Variants in NOLC1 observed in about 807,000 individuals in gnomAD.
NOLC1 encodes the protein nucleolar and coiled-body phosphoprotein 1.
NOLC1 carries 37 observed loss-of-function variants against 73.4 expected under a neutral mutation model. The observed-to-expected ratio is 0.50, with a 90% CI of 0.39 to 0.66. The LOEUF is 0.66. Among genes scored for constraint, NOLC1 ranks in the 30% least tolerant of loss-of-function variants. NOLC1 has a pLI of 0.00. For synonymous variants in NOLC1, 327 were observed against 302.6 expected (o/e 1.08, Z -0.84); for missense variants, 921 against 838.9 (o/e 1.10, Z -1.21).
chr10:102,152,424 G>T lies in NOLC1; in HGVS notation c.14G>T (p.Gly5Val). Reference sequence around the variant, plus strand: ...ATTGCCTGGAGGATGGCGGACGCCGGCATTCGCCGCGTGGTTCCCAGCGAC... The same window carrying T: ...ATTGCCTGGAGGATGGCGGACGCCGTCATTCGCCGCGTGGTTCCCAGCGAC... MADA[G>V]IRRVVPSDLY... The change falls in exon 1 of 13, where the codon GGC becomes GTC. Residue 5 changes from glycine to valine, a missense_variant. Transcript: ENST00000605788. 2 of 1,611,122 alleles carry T rather than the reference G, an allele frequency of 1.2e-6. No individual in the cohort carries two copies. The highest frequency in any genetic ancestry group is 2.2e-5 in the East Asian group (1 of 44,874).
chr10:102,159,862 AT>A, intron 7 of NOLC1, 33 bp from the exon 8 acceptor site: 2 of 1,493,222 alleles, frequency 1.3e-6, no homozygotes, highest in Non-Finnish European at 1.8e-6. Context: ...TTGTAGACAT[AT>A]CCTAAAACCA....
rs753664579 is a variant in NOLC1, at chr10:102,163,022, A to G, written c.*753A>G. The G allele has an allele frequency of 1.9e-4, 29 of 152,216 alleles. No homozygotes were observed. Among genetic ancestry groups the G allele is most frequent in the Non-Finnish European group, 4.0e-4 (27 of 68,036 alleles). The allele number at this position is 152,216 out of a possible 1,614,324, so 9.4% of individuals were successfully genotyped here. A position where few individuals can be genotyped will look rare whatever the true frequency, so the allele number is the denominator to read the frequency against. ...TACGTGCTTTGTTTTTTAATTTGAA[A>G]GCAAACTTTTCTACTGTTGAAAGAC... On this transcript the variant is annotated 3_prime_UTR_variant, in exon 13 of 13. Coordinates refer to ENST00000605788, the MANE Select transcript of NOLC1 (RefSeq NM_004741.5).
At chr10:102,153,775 T>G (rs961990634) in intron 1 of NOLC1, among the ~76,000 whole-genome samples, 1 of 148,654 alleles carries the variant, frequency 6.7e-6, no homozygotes, top group Non-Finnish European at 1.5e-5. Flanking sequence ...CAAGTTCAAG[T>G]GATTATCCTG....
chr10:102,152,397 G>A lies in NOLC1; in HGVS notation c.-14G>A, dbSNP rs372877879. 3.7e-5 allele frequency: 59 copies of A among 1,607,702 alleles called. No homozygotes were observed. Among genetic ancestry groups the A allele is most frequent in the Non-Finnish European group, 4.7e-5 (55 of 1,180,012 alleles). ...GCTGCGTCGACAACGGTAGTGACGC[G>A]TATTGCCTGGAGGATGGCGGACGCC... On this transcript the variant is annotated 5_prime_UTR_variant, in exon 1 of 13. Coordinates refer to ENST00000605788, the MANE Select transcript of NOLC1 (RefSeq NM_004741.5).
At chr10:102,152,832 G>C (rs905763239) in intron 1 of NOLC1, among the ~76,000 whole-genome samples, 3 of 152,338 alleles carry the variant, frequency 2.0e-5, no homozygotes, top group African/African-American at 7.2e-5. Context: ...CGGGGAGGTA[G>C]AGTCTTGTTC....
At chr10:102,157,791 G>A (rs995537844) in intron 4 of NOLC1, among the ~76,000 whole-genome samples, 1 of 152,056 alleles carries the variant, frequency 6.6e-6, no homozygotes, top group Non-Finnish European at 1.5e-5. Flanking sequence ...TGAGGAGTTT[G>A]GGTTCTTCTG....
rs1217381321 is a variant in NOLC1, at chr10:102,161,018, A to G, written c.1666A>G (p.Asn556Asp). The G allele has an allele frequency of 1.2e-6, 2 of 1,613,940 alleles. No individual in the cohort carries two copies. The highest frequency in any genetic ancestry group is 4.5e-5 in the East Asian group (2 of 44,892). Reference sequence around the variant, plus strand: ...TGGCACCTCTGCACTGACTGCCCAGAATGGAAAAGCAGCTAAGAACAGTGA... The same window carrying G: ...TGGCACCTCTGCACTGACTGCCCAGGATGGAAAAGCAGCTAAGAACAGTGA... ...ANGTSALTAQ[N>D]GKAAKNSEEE... The change falls in exon 10 of 13, where the codon AAT becomes GAT. Residue 556 changes from asparagine (N) to aspartate (D), a missense_variant. By Grantham distance (23) the Asn-to-Asp change is conservative (BLOSUM62 1). Coordinates refer to ENST00000605788, the MANE Select transcript of NOLC1 (RefSeq NM_004741.5).
intron 7 of NOLC1, 107 bp from the exon 8 acceptor site, chr10:102,159,789 G>T: frequency 1.7e-6 from 2 of 1,208,830 alleles, no homozygotes; most frequent in South Asian, 1.6e-5. Flanking sequence ...CATTGATTCT[G>T]GCCCATACTC....
chr10:102,160,085 G>A (rs931458366), intron 8 of NOLC1, 61 bp downstream of exon 8: 5 of 1,595,322 alleles, frequency 3.1e-6, no homozygotes, highest in Admixed American at 3.6e-5. Context: ...TGAGGAATAA[G>A]GGAGAGAGAA....
Position 102,162,363 on chromosome 10 carries a change from C to A in NOLC1, c.*94C>A. 1 of 1,356,856 alleles carries A rather than the reference C, an allele frequency of 7.4e-7. No individual in the cohort carries two copies. The highest frequency in any genetic ancestry group is 1.0e-6 in the Non-Finnish European group (1 of 977,962). 84.1% of individuals were successfully genotyped at this position (1,356,856 alleles called of 1,614,324 possible). ...AACCCTCAGGTCTCTAGGTGAGGGTCTTGATGAGGACAGAAGTTTAGAGTA... is the reference window on the plus strand; with the variant it reads ...AACCCTCAGGTCTCTAGGTGAGGGTATTGATGAGGACAGAAGTTTAGAGTA... On this transcript the variant is annotated 3_prime_UTR_variant, in exon 13 of 13. Transcript: ENST00000605788.
chr10:102,162,394 T>TACTCTA lies in NOLC1; in HGVS notation c.*126_*127insCTCTAA. On this transcript the variant is annotated 3_prime_UTR_variant, in exon 13 of 13. Transcript: ENST00000605788. ...GAGGACAGAAGTTTAGAGTAGGTCC[T>TACTCTA]AAGACTTTACAGTGTAACATCCTCT... 3 of 992,210 alleles carry TACTCTA rather than the reference T, an allele frequency of 3.0e-6. No homozygotes were observed. The highest frequency in any genetic ancestry group is 4.5e-6 in the Non-Finnish European group (3 of 670,406). The allele number at this position is 992,210 out of a possible 1,614,324, so 61.5% of individuals were successfully genotyped here.
At chr10:102,157,984 C>A in intron 4 of NOLC1, 65 bp from the exon 5 acceptor site, 1 of 1,458,120 alleles carries the variant, frequency 6.9e-7, no homozygotes, top group Non-Finnish European at 9.4e-7. Flanking sequence ...ATAAAAGGAA[C>A]CTAGGATGCC....
rs1277154790 is a variant in NOLC1, at chr10:102,160,538, A to G, written c.1186A>G (p.Lys396Glu). The change falls in exon 10 of 13, where the codon AAG becomes GAG. Residue 396 changes from lysine (K) to glutamate (E), a missense_variant. Transcript: ENST00000605788. ...TTCAAATAAGCCAGCTGTCACCACC[A>G]AGTCACCTGCAGTGAAGCCAGCTGC... is the stretch of plus-strand genomic sequence containing the variant. ...NSSNKPAVTT[K>E]SPAVKPAAAP... 6 of 1,614,154 alleles carry G rather than the reference A, an allele frequency of 3.7e-6. No individual in the cohort carries two copies. The highest frequency in any genetic ancestry group is 5.1e-6 in the Non-Finnish European group (6 of 1,180,032).
chr10:102,160,666 A>G lies in NOLC1; in HGVS notation c.1314A>G (p.Thr438=). The G allele has an allele frequency of 1.9e-6, 3 of 1,614,178 alleles. No homozygotes were observed. The highest frequency in any genetic ancestry group is 1.3e-5 in the African/African-American group (1 of 75,048). The change falls in exon 10 of 13, where the codon ACA becomes ACG. Residue 438 remains threonine (T), a synonymous_variant. Transcript: ENST00000605788. ...GCAGCTCCAGTGAGGAGGAGAAGACAAAGAAGATGGTGGCCACCACTAAGC... is the reference window on the plus strand; with the variant it reads ...GCAGCTCCAGTGAGGAGGAGAAGACGAAGAAGATGGTGGCCACCACTAAGC... ...EESSSSEEEK[T]KKMVATTKPK...
chr10:102,161,971 G>A (rs1564973294), intron 12 of NOLC1, 46 bp downstream of exon 12: 1 of 1,604,124 alleles, frequency 6.2e-7, no homozygotes, highest in Admixed American at 1.7e-5. Flanking sequence ...GATGGGTAGT[G>A]TCAGAGAGGA....
At position 102,152,478 on chromosome 10, in the gene NOLC1, G is replaced by A; in HGVS notation, c.68G>A (p.Arg23His). Residue 23 changes from arginine to histidine, a missense_variant, in exon 1 of 13, where the codon CGC becomes CAC. Transcript: ENST00000605788. ...DLYPLVLGFL[R>H]DNQLSEVANK... Reference sequence around the variant, plus strand: ...TATCCCCTCGTGCTCGGCTTCCTGCGCGATAACCAACTCTCAGAGGTGGCC... The same window carrying A: ...TATCCCCTCGTGCTCGGCTTCCTGCACGATAACCAACTCTCAGAGGTGGCC... The A allele has an allele frequency of 1.2e-6, 2 of 1,613,732 alleles. 1 individual carries two copies. The highest frequency in any genetic ancestry group is 1.7e-6 in the Non-Finnish European group (2 of 1,180,038).
At chr10:102,153,448 G>T (rs190186313) in intron 1 of NOLC1, among the ~76,000 whole-genome samples, 2 of 152,322 alleles carry the variant, frequency 1.3e-5, no homozygotes, top group East Asian at 3.9e-4. Flanking sequence ...GGGGTCTTCA[G>T]CAGGGATGAT....
chr10:102,161,683 C>T, intron 11 of NOLC1, 21 bp downstream of exon 11: 4 of 1,597,820 alleles, frequency 2.5e-6, no homozygotes, highest in Non-Finnish European at 3.4e-6. Flanking sequence ...TCACTTTCTT[C>T]TCAGGAGCCA....
intron 4 of NOLC1, 93 bp downstream of exon 4, chr10:102,157,648 G>A (rs369573549): frequency 2.7e-5 from 38 of 1,406,342 alleles, no homozygotes; most frequent in Non-Finnish European, 3.0e-5. Context: ...GGGTGATGGC[G>A]GCAATACAAT....
Sources: gnomAD v4.1 joint callset for allele counts (sites outside exome capture counted in the v4.1 genomes callset) on GRCh38, gnomAD v4.1.1 for gene constraint, MANE v1.5 for transcripts, NCBI Gene and HGNC (gene_info 2026-07-23, HGNC 2026-07-21) for gene names.